PPOX: variants seen among roughly 807,000 people sequenced by gnomAD.
PPOX encodes protoporphyrinogen oxidase.
A neutral mutation model predicts 54.1 loss-of-function variants in PPOX; 23 were observed. That is an observed-to-expected ratio of 0.43 (90% CI 0.31 to 0.60). The LOEUF is 0.60. PPOX is among the 20% of genes least tolerant of loss of function. PPOX has a pLI of 0.13. For missense variants in PPOX, 512 were observed against 601.1 expected (o/e 0.85, Z 1.55); for synonymous variants, 224 against 236.1 (o/e 0.95, Z 0.47).
At chr1:161,167,547 T>A in intron 4 of PPOX, 61 bp downstream of exon 4, 1 of 1,426,110 alleles carries the variant, frequency 7.0e-7, no homozygotes, top group Non-Finnish European at 9.4e-7. Context: ...TTCCATTTCT[T>A]TCTTCTTTTC....
chr1:161,173,815 A>G, downstream of PPOX: 1 of 1,609,910 alleles, frequency 6.2e-7, no homozygotes, highest in Non-Finnish European at 8.5e-7. Flanking sequence ...CTTCCACAGG[A>G]TAGTAGGCTT....
At chr1:161,174,307 T>C (rs1398089698), downstream of PPOX, among the ~76,000 whole-genome samples, 1 of 149,262 alleles carries the variant, frequency 6.7e-6, no homozygotes, top group East Asian at 2.0e-4. Context: ...CTCAGGAGGC[T>C]GAGGCAGGAG....
At chr1:161,173,639 C>T, downstream of PPOX, 1 of 1,614,108 alleles carries the variant, frequency 6.2e-7, no homozygotes, top group Non-Finnish European at 8.5e-7. Flanking sequence ...CCACCCCAGC[C>T]CCAGTATTCA....
chr1:161,175,496 G>A (rs749632580), downstream of PPOX, among the ~76,000 whole-genome samples: 6 of 152,124 alleles, frequency 3.9e-5, no homozygotes, highest in Non-Finnish European at 5.9e-5. Context: ...TATAGTTGAA[G>A]GCTGGAGAGA....
chr1:161,176,968 C>T (rs902371453), exon 5 of PPOX: 2 of 1,536,014 alleles, frequency 1.3e-6, no homozygotes, highest in Admixed American at 2.0e-5. Flanking sequence ...GGTGCCAACT[C>T]CTCAGGTGCA....
At chr1:161,173,323 T>C (rs1004939900), downstream of PPOX, among the ~76,000 whole-genome samples, 1 of 152,206 alleles carries the variant, frequency 6.6e-6, no homozygotes, top group Non-Finnish European at 1.5e-5. Flanking sequence ...AAGACTAAGC[T>C]GTCTCTGGGC....
At position 161,166,833 on chromosome 1, in the gene PPOX, C is replaced by T. The variant is rs1659095631; in HGVS notation, c.-8-7C>T. 6.2e-7 allele frequency: 1 copy of T among 1,612,606 alleles called. No homozygotes were observed. The highest frequency in any genetic ancestry group is 8.5e-7 in the Non-Finnish European group (1 of 1,179,970). On this transcript the variant is annotated splice_polypyrimidine_tract_variant and splice_region_variant and intron_variant, in intron 1 of 12. Transcript: ENST00000367999. ...TCTGCCTGTCCATATCGCCCCCTTTCCCCCAGGTTTCCGCATGGGCCGGAC... is the reference window on the plus strand; with the variant it reads ...TCTGCCTGTCCATATCGCCCCCTTTTCCCCAGGTTTCCGCATGGGCCGGAC...
At chr1:161,175,135 G>C (rs148765132), downstream of PPOX, 3 of 1,613,968 alleles carry the variant, frequency 1.9e-6, no homozygotes, top group Non-Finnish European at 2.5e-6. Context: ...ACAACCTGCA[G>C]GGCGGTACCG....
At position 161,166,666 on chromosome 1, in the gene PPOX, A is replaced by G; in HGVS notation, c.-15A>G. The G allele has an allele frequency of 1.3e-6, 2 of 1,495,862 alleles. No homozygotes were observed. Among genetic ancestry groups the G allele is most frequent in the Non-Finnish European group, 8.9e-7 (1 of 1,126,124 alleles). 92.7% of individuals were successfully genotyped at this position (1,495,862 alleles called of 1,614,324 possible). A position where few individuals can be genotyped will look rare whatever the true frequency, so the allele number is the denominator to read the frequency against. ...CCCTCATTTTCTCTCATCCCTACCT[A>G]TTGTGGGTGAGTCCTGGCCCCTGGA... On this transcript the variant is annotated 5_prime_UTR_variant, in exon 1 of 13. Transcript: ENST00000367999.
downstream of PPOX, chr1:161,172,290 G>A (rs1188113102): frequency 2.5e-6 from 4 of 1,614,122 alleles, no homozygotes; most frequent in Non-Finnish European, 3.4e-6. Context: ...GTGTCCTACA[G>A]ATGTGGGGGG....
chr1:161,172,053 C>T (rs190810180), downstream of PPOX: 8 of 1,614,168 alleles, frequency 5.0e-6, no homozygotes, highest in Middle Eastern at 3.3e-4. Flanking sequence ...TCCCATCTTG[C>T]GTCCAGGAAT....
intron 1 of PPOX, 77 bp downstream of exon 1, chr1:161,166,749 T>G: frequency 6.3e-7 from 1 of 1,578,874 alleles, no homozygotes; most frequent in Non-Finnish European, 8.6e-7. Flanking sequence ...CCTAAAGCAG[T>G]GAGTGGCCGG....
At chr1:161,177,044 G>A (rs769600628), downstream of PPOX, 10 of 1,535,872 alleles carry the variant, frequency 6.5e-6, no homozygotes, top group Non-Finnish European at 7.0e-6. Flanking sequence ...TAGGGTGGGG[G>A]TGGCGTCCTC....
intron 4 of PPOX, chr1:161,176,340 C>CA: frequency 1.9e-6 from 1 of 538,502 alleles, no homozygotes; most frequent in South Asian, 2.3e-5. Flanking sequence ...TCCTCACCCC[C>CA]AAAAATGTTT....
At chr1:161,176,443 A>G in intron 4 of PPOX, 1 of 381,496 alleles carries the variant, frequency 2.6e-6, no homozygotes, top group Non-Finnish European at 4.8e-6. Context: ...CCTAGGTTCA[A>G]GCTGTCTTCT....
chr1:161,168,363 A>C (rs781771114), intron 5 of PPOX, 69 bp from the exon 6 acceptor site: 5 of 1,608,620 alleles, frequency 3.1e-6, no homozygotes, highest in Non-Finnish European at 4.3e-6. Context: ...TTCCCTACCA[A>C]ATAGGGGCTG....
rs574852826 is a variant in PPOX, at chr1:161,166,877, A to T, written c.30A>T (p.Gly10=). 2.0e-5 allele frequency: 32 copies of T among 1,613,788 alleles called. No individual in the cohort carries two copies. The South Asian group carries it at 3.1e-4, about 16-fold the overall frequency. ...GCCGGACCGTGGTCGTGCTGGGCGG[A>T]GGCATCAGCGGCTTGGCCGCCAGTT... is the stretch of plus-strand genomic sequence containing the variant. The part of the protein sequence containing the change: MGRTVVVLG[G]GISGLAASYH... The change falls in exon 2 of 13, where the codon GGA becomes GGT. Residue 10 remains glycine, a synonymous_variant. Coordinates refer to ENST00000367999, the MANE Select transcript of PPOX (RefSeq NM_001122764.3).
At chr1:161,171,664 C>T (rs114361795), downstream of PPOX, 465 of 1,106,992 alleles carry the variant, frequency 4.2e-4, 2 homozygotes, top group Non-Finnish European at 3.6e-4. Context: ...AGCCCAGCTC[C>T]AGTCCAGCAG....
At chr1:161,175,691 C>T (rs1316455215), downstream of PPOX, 18 of 1,460,036 alleles carry the variant, frequency 1.2e-5, no homozygotes, top group Non-Finnish European at 1.6e-5. Context: ...CCTGCAGCCT[C>T]AGCCTACCTA....
Sources: gnomAD v4.1 joint callset for allele counts (sites outside exome capture counted in the v4.1 genomes callset) on GRCh38, gnomAD v4.1.1 for gene constraint, MANE v1.5 for transcripts, NCBI Gene and HGNC (gene_info 2026-07-23, HGNC 2026-07-21) for gene names.